STIM1: variants seen among roughly 807,000 people sequenced by gnomAD.
The protein encoded by STIM1 is stromal interaction molecule 1.
A neutral mutation model predicts 74.7 loss-of-function variants in STIM1; 25 were observed. That is an observed-to-expected ratio of 0.33 (90% CI 0.24 to 0.47). The LOEUF is 0.47. Ranked by LOEUF, STIM1 falls within the 20% of genes least tolerant of loss-of-function variation. The pLI, the probability that STIM1 is intolerant of heterozygous loss-of-function variation, is 1.00. For synonymous variants in STIM1, 328 were observed against 348.8 expected (o/e 0.94, Z 0.66); for missense variants, 728 against 920.8 (o/e 0.79, Z 2.71).
chr11:3,893,649 AC>A (rs2091964241), intron 1 of STIM1, among the ~76,000 whole-genome samples: 2 of 143,318 alleles, frequency 1.4e-5, no homozygotes, highest in South Asian at 4.8e-4. Flanking sequence ...ATCTGGGTCA[AC>A]ATTTTTTTTT....
At chr11:3,879,109 C>T (rs2091406865) in intron 1 of STIM1, among the ~76,000 whole-genome samples, 1 of 152,104 alleles carries the variant, frequency 6.6e-6, no homozygotes, top group Non-Finnish European at 1.5e-5. Context: ...GTGCACACCG[C>T]CACACCCAGC....
intron 1 of STIM1, among the ~76,000 whole-genome samples, chr11:3,894,792 A>G (rs557066279): frequency 3.9e-5 from 6 of 151,984 alleles, no homozygotes; most frequent in Admixed American, 6.6e-5. Flanking sequence ...AGGCTGGAGT[A>G]CAGTGGCACA....
intron 4 of STIM1, among the ~76,000 whole-genome samples, chr11:4,058,202 A>C (rs2094305750): frequency 6.6e-6 from 1 of 152,232 alleles, no homozygotes; most frequent in African/African-American, 2.4e-5. Context: ...TTTGCACAGT[A>C]GGAAACTGAG....
At chr11:3,922,989 C>T (rs2092737608) in intron 1 of STIM1, among the ~76,000 whole-genome samples, 1 of 151,624 alleles carries the variant, frequency 6.6e-6, no homozygotes, top group South Asian at 2.1e-4. Flanking sequence ...GTCCCAGCTA[C>T]TCGGGAGGCT....
intron 2 of STIM1, among the ~76,000 whole-genome samples, chr11:4,012,395 T>G (rs887882395): frequency 1.3e-5 from 2 of 152,202 alleles, no homozygotes; most frequent in African/African-American, 4.8e-5. Flanking sequence ...CCTCTTTTAT[T>G]TCGTTGAGCA....
intron 1 of STIM1, among the ~76,000 whole-genome samples, chr11:3,914,465 C>T (rs780555832): frequency 7.2e-5 from 11 of 152,178 alleles, no homozygotes; most frequent in East Asian, 3.9e-4. Context: ...TTTTTTGAGA[C>T]GGAGTCTCAC....
chr11:3,954,041 G>T (rs958663557), intron 1 of STIM1, among the ~76,000 whole-genome samples: 5 of 152,078 alleles, frequency 3.3e-5, no homozygotes, highest in African/African-American at 1.2e-4. Context: ...CTCCCAAAGT[G>T]CTGGGATTAC....
chr11:4,083,454 T>G lies in STIM1; in HGVS notation c.1430T>G (p.Val477Gly), dbSNP rs1447805570. The change falls in exon 10 of 13, where the codon GTG becomes GGG. Residue 477 changes from valine (V) to glycine (G), a missense_variant. Coordinates refer to ENST00000526596, the MANE Select transcript of STIM1 (RefSeq NM_001382567.1). The stretch of plus-strand genomic sequence containing the variant: ...GCTCACTTCATCATGACTGACGACG[T>G]GGATGACATGGATGAGGAGATTGTG... ...NPAHFIMTDDVDDMDEEIVSP... is the reference protein window; with the variant it reads ...NPAHFIMTDDGDDMDEEIVSP... 9 of 1,614,186 alleles carry G rather than the reference T, an allele frequency of 5.6e-6. No individual in the cohort carries two copies. The highest frequency in any genetic ancestry group is 5.9e-6 in the Non-Finnish European group (7 of 1,180,022).
chr11:3,994,820 C>A (rs1839593657), intron 2 of STIM1, among the ~76,000 whole-genome samples: 1 of 152,038 alleles, frequency 6.6e-6, no homozygotes, highest in African/African-American at 2.4e-5. Context: ...AGGCTCTGTT[C>A]ATTTTTCTTC....
At chr11:3,895,757 T>TC (rs1590539006) in intron 1 of STIM1, among the ~76,000 whole-genome samples, 6 of 67,420 alleles carry the variant, frequency 8.9e-5, no homozygotes, top group South Asian at 5.0e-4. Flanking sequence ...CCTTCCTTCC[T>TC]TCCTTCCTTC....
chr11:3,897,310 G>C (rs1334691163), intron 1 of STIM1, among the ~76,000 whole-genome samples: 1 of 152,116 alleles, frequency 6.6e-6, no homozygotes, highest in Non-Finnish European at 1.5e-5. Context: ...TCATTGGATT[G>C]ACTGAAAGCT....
chr11:3,894,464 A>G (rs1468425080), intron 1 of STIM1, among the ~76,000 whole-genome samples: 2 of 152,166 alleles, frequency 1.3e-5, no homozygotes, highest in Non-Finnish European at 1.5e-5. Flanking sequence ...GGGCCTGTGC[A>G]GCCTGAACAA....
At chr11:4,035,960 T>C (rs1388773085) in intron 3 of STIM1, among the ~76,000 whole-genome samples, 1 of 151,920 alleles carries the variant, frequency 6.6e-6, no homozygotes, top group African/African-American at 2.4e-5. Flanking sequence ...AGATAACCCG[T>C]CACCTAGGTG....
At chr11:4,088,614 G>A (rs2094506441) in intron 12 of STIM1, 1 of 1,262,528 alleles carries the variant, frequency 7.9e-7, no homozygotes. Flanking sequence ...CAAGGTTTAA[G>A]CTGAGGGCAG....
chr11:3,903,885 C>T (rs1357565748), intron 1 of STIM1, among the ~76,000 whole-genome samples: 1 of 152,086 alleles, frequency 6.6e-6, no homozygotes, highest in Non-Finnish European at 1.5e-5. Flanking sequence ...ACAAGTGCTA[C>T]AATAGAGGTA....
chr11:3,946,520 C>G (rs2093075950), intron 1 of STIM1, among the ~76,000 whole-genome samples: 1 of 152,038 alleles, frequency 6.6e-6, no homozygotes, highest in African/African-American at 2.4e-5. Context: ...CATTTCTGGC[C>G]TTTTCTATCT....
In STIM1 at chr11:3,874,193, T is replaced by C. The variant is rs370642601; in HGVS notation, c.139+17784T>C. Among the ~76,000 whole-genome samples the C allele has an allele frequency of 2.5e-3, 376 of 152,272 alleles. 4 individuals are homozygous for C. Among genetic ancestry groups the C allele is most frequent in the African/African-American group, 8.7e-3 (361 of 41,542 alleles). Reference sequence around the variant, plus strand: ...TTTAGGCTGGGACTTGGATGTGGCCTGGGTTTCTGCACTTCTTAAGGTGTC... The same window carrying C: ...TTTAGGCTGGGACTTGGATGTGGCCCGGGTTTCTGCACTTCTTAAGGTGTC... On this transcript the variant is annotated intron_variant, in intron 1 of 12. Transcript: ENST00000526596.
At chr11:3,908,459 A>C (rs551632193) in intron 1 of STIM1, among the ~76,000 whole-genome samples, 1 of 152,208 alleles carries the variant, frequency 6.6e-6, no homozygotes, top group East Asian at 1.9e-4. Context: ...AAAAACACAA[A>C]AAATTAGCTG....
chr11:3,943,000 A>G (rs756405702), intron 1 of STIM1, among the ~76,000 whole-genome samples: 1 of 152,192 alleles, frequency 6.6e-6, no homozygotes, highest in Non-Finnish European at 1.5e-5. Context: ...CCCCAGAAGG[A>G]TGTTATCATT....
Sources: allele counts gnomAD v4.1 joint callset (sites outside exome capture counted in the v4.1 genomes callset), GRCh38; gene constraint gnomAD v4.1.1; transcripts MANE v1.5; gene names NCBI Gene and HGNC (gene_info 2026-07-23, HGNC 2026-07-21).